Variants in DMXL2 observed in about 807,000 individuals in gnomAD.
DMXL2 encodes the protein dmX-like protein 2.
DMXL2 carries 103 observed loss-of-function variants against 331.1 expected under a neutral mutation model. That is an observed-to-expected ratio of 0.31 (90% CI 0.27 to 0.37). The LOEUF (loss-of-function observed/expected upper bound fraction) is 0.37, where lower values mean the gene tolerates loss of function less well. Ranked by LOEUF, DMXL2 falls within the 10% of genes least tolerant of loss-of-function variation. The pLI is 1.00. For synonymous variants in DMXL2, 1,281 were observed against 1,252.1 expected (o/e 1.02, Z -0.49); for missense variants, 3,171 against 3,642.9 (o/e 0.87, Z 3.33).
chr15:51,509,838 C>T lies in DMXL2; in HGVS notation c.2645-2585G>A, dbSNP rs1017334177. The stretch of plus-strand genomic sequence containing the variant: ...TACTGGCAAACCGAATCCAGCAGCA[C>T]ATCAAAAAGCTTATCCACCACGATC... On this transcript the variant is annotated intron_variant, in intron 15 of 43. Transcript: ENST00000560891. Among the ~76,000 whole-genome samples the T allele has an allele frequency of 3.3e-5, 5 of 152,132 alleles. No homozygotes were observed. The East Asian group carries it at 9.6e-4, about 29-fold the overall frequency.
intron 15 of DMXL2, 59 bp downstream of exon 15, chr15:51,514,383 A>G (rs2046915474): frequency 2.0e-6 from 2 of 1,000,584 alleles, no homozygotes; most frequent in Admixed American, 2.4e-5. Flanking sequence ...CTCAGTGAAA[A>G]CTTAGAGATC....
At chr15:51,555,941 C>A (rs898830551) in intron 6 of DMXL2, among the ~76,000 whole-genome samples, 2 of 152,118 alleles carry the variant, frequency 1.3e-5, no homozygotes, top group Non-Finnish European at 2.9e-5. Context: ...GCTTTCCAAC[C>A]CATTTATAAG....
intron 18 of DMXL2, among the ~76,000 whole-genome samples, chr15:51,498,289 A>G (rs2043329485): frequency 6.6e-6 from 1 of 152,120 alleles, no homozygotes; most frequent in Admixed American, 6.5e-5. Flanking sequence ...AAACAAGATT[A>G]TAAATCCAAA....
At chr15:51,539,368 CT>C (rs780208205) in intron 9 of DMXL2, among the ~76,000 whole-genome samples, 9 of 152,208 alleles carry the variant, frequency 5.9e-5, no homozygotes, top group East Asian at 1.9e-4. Context: ...ATTCTTCCAA[CT>C]TTTCTCAGTG....
In DMXL2 at chr15:51,450,121, T is replaced by G; in HGVS notation, c.8967+8A>C. 6.2e-7 allele frequency: 1 copy of G among 1,613,172 alleles called. No homozygotes were observed. Among genetic ancestry groups the G allele is most frequent in the East Asian group, 2.2e-5 (1 of 44,876 alleles). On this transcript the variant is annotated splice_region_variant and intron_variant, in intron 43 of 43. Transcript: ENST00000560891. ...TTTAGCACATTCCAACCTCTTGTAC[T>G]GACTCACCTTTATGTTACCTTCTGC...
rs1003337750 is a variant in DMXL2 at position 51,499,440 on chromosome 15, C to T, written c.3784G>A (p.Val1262Ile). The T allele has an allele frequency of 1.2e-6, 2 of 1,613,898 alleles. No homozygotes were observed. The highest frequency in any genetic ancestry group is 2.7e-5 in the African/African-American group (2 of 74,934). Residue 1262 changes from valine to isoleucine, a missense_variant, in exon 18 of 44, where the codon GTA becomes ATA. Physicochemically the swap from Val to Ile is conservative, Grantham distance 29. This residue lies in a region of DMXL2 where 1,674 missense variants were observed against 1,780.2 expected (regional missense o/e 0.94). Coordinates refer to ENST00000560891, the MANE Select transcript of DMXL2 (RefSeq NM_001378457.1). Reference protein sequence around the residue: ...LSWVRDGILVVGMDCEMHVYA... With the variant: ...LSWVRDGILVIGMDCEMHVYA... ...ACATGCATTTCACAATCCATTCCTA[C>T]CACCAATATCCCATCTCTTACCCAA... is the stretch of plus-strand genomic sequence containing the variant.
intron 4 of DMXL2, among the ~76,000 whole-genome samples, 189 bp from the exon 5 acceptor site, chr15:51,564,449 G>T (rs1206880078): frequency 6.6e-6 from 1 of 151,938 alleles, no homozygotes; most frequent in Non-Finnish European, 1.5e-5. Context: ...GGACAACAAA[G>T]ATTCTTAAGG....
chr15:51,601,286 A>C (rs2053209047), intron 1 of DMXL2, among the ~76,000 whole-genome samples: 1 of 150,042 alleles, frequency 6.7e-6, no homozygotes, highest in Non-Finnish European at 1.5e-5. Flanking sequence ...GCAAGACTCC[A>C]TCTCAAAAAA....
At chr15:51,453,397 TAAG>T (rs2141194055) in intron 41 of DMXL2, 150 bp downstream of exon 41, 1 of 513,722 alleles carries the variant, frequency 1.9e-6, no homozygotes, top group Non-Finnish European at 3.3e-6. Context: ...CTCTTTTTGG[TAAG>T]AAAAAACACT....
At chr15:51,551,104 A>G (rs2049188899) in intron 6 of DMXL2, among the ~76,000 whole-genome samples, 1 of 151,054 alleles carries the variant, frequency 6.6e-6, no homozygotes, top group African/African-American at 2.4e-5. Flanking sequence ...AGCAGAACAG[A>G]TTGTACCAAA....
At chr15:51,620,400 T>C (rs751427573) in intron 1 of DMXL2, among the ~76,000 whole-genome samples, 2 of 152,180 alleles carry the variant, frequency 1.3e-5, no homozygotes, top group Non-Finnish European at 2.9e-5. Context: ...AAAAGGACTG[T>C]CTTGTTGCAA....
chr15:51,456,546 C>T (rs1180759034), intron 37 of DMXL2, among the ~76,000 whole-genome samples, 177 bp from the exon 38 acceptor site: 1 of 152,196 alleles, frequency 6.6e-6, no homozygotes, highest in Non-Finnish European at 1.5e-5. Flanking sequence ...GGTGAGGAAG[C>T]ACAGTCACTT....
At chr15:51,577,769 G>C (rs1297204248) in intron 1 of DMXL2, among the ~76,000 whole-genome samples, 3 of 152,168 alleles carry the variant, frequency 2.0e-5, no homozygotes, top group Non-Finnish European at 4.4e-5. Flanking sequence ...TATCTAGTTT[G>C]AAATCACACA....
intron 15 of DMXL2, among the ~76,000 whole-genome samples, chr15:51,509,664 C>A (rs1217901398): frequency 6.6e-6 from 1 of 152,152 alleles, no homozygotes; most frequent in Non-Finnish European, 1.5e-5. Flanking sequence ...TGAAACTATT[C>A]CAATCAATAG....
intron 16 of DMXL2, among the ~76,000 whole-genome samples, chr15:51,503,791 T>C (rs796202764): frequency 1.4e-4 from 21 of 152,316 alleles, no homozygotes; most frequent in African/African-American, 5.1e-4. Context: ...TCATTACATA[T>C]TCTATGCATG....
chr15:51,517,266 C>A, intron 13 of DMXL2, 99 bp from the exon 14 acceptor site: 1 of 787,366 alleles, frequency 1.3e-6, no homozygotes, highest in Non-Finnish European at 2.2e-6. Flanking sequence ...TCTAAATATT[C>A]ACTGATTGGC....
rs927210381 is a variant in DMXL2 at position 51,622,522 on chromosome 15, G to A, written c.24C>T (p.Thr8=). Residue 8 remains threonine, a synonymous_variant, in exon 1 of 44, where the codon ACC becomes ACT. Coordinates refer to ENST00000560891, the MANE Select transcript of DMXL2 (RefSeq NM_001378457.1). ...AGTTGTCTCCAGGGTTGACAGCTCCGGTGAGGACCTGATGCAGATGCATCT... is the reference window on the plus strand; with the variant it reads ...AGTTGTCTCCAGGGTTGACAGCTCCAGTGAGGACCTGATGCAGATGCATCT... MHLHQVL[T]GAVNPGDNCY... The A allele has an allele frequency of 1.7e-5, 26 of 1,561,628 alleles. No homozygotes were observed. The highest frequency in any genetic ancestry group is 2.2e-5 in the Non-Finnish European group (25 of 1,152,440).
intron 13 of DMXL2, among the ~76,000 whole-genome samples, chr15:51,521,408 AG>A (rs771150307): frequency 6.9e-6 from 1 of 145,092 alleles, no homozygotes; most frequent in Non-Finnish European, 1.5e-5. Flanking sequence ...ACTAGATAAA[AG>A]TTTGCTAGTA....
chr15:51,611,874 T>C (rs1006229900), intron 1 of DMXL2, among the ~76,000 whole-genome samples: 1 of 152,166 alleles, frequency 6.6e-6, no homozygotes, highest in African/African-American at 2.4e-5. Context: ...AAAAGGGGCA[T>C]TCTGATAGCA....
Sources: allele counts gnomAD v4.1 joint callset (sites outside exome capture counted in the v4.1 genomes callset), GRCh38; gene constraint gnomAD v4.1.1; regional missense constraint gnomAD v4.1.1; transcripts MANE v1.5; gene names NCBI Gene and HGNC (gene_info 2026-07-23, HGNC 2026-07-21).